The following FRAS1 variants were observed in gnomAD, a reference collection of about 807,000 sequenced individuals.
FRAS1 encodes extracellular matrix organizing protein FRAS1.
In FRAS1, 290 loss-of-function variants were observed where a neutral mutation model predicts 435.2. The observed-to-expected ratio is 0.67, with a 90% CI of 0.61 to 0.73. The LOEUF (loss-of-function observed/expected upper bound fraction) is 0.73. FRAS1 is among the 30% of genes least tolerant of loss of function. The pLI, the probability that FRAS1 is intolerant of heterozygous loss-of-function variation, is 0.00. For missense variants in FRAS1, 4,860 were observed against 5,001.5 expected (o/e 0.97, Z 0.85); for synonymous variants, 1,800 against 1,851.0 (o/e 0.97, Z 0.71).
chr4:78,441,602 T>G (rs563910846), intron 41 of FRAS1, among the ~76,000 whole-genome samples: 2 of 150,846 alleles, frequency 1.3e-5, no homozygotes, highest in African/African-American at 4.9e-5. Flanking sequence ...AATGAGAAGA[T>G]TGAGTACGAT....
intron 18 of FRAS1, among the ~76,000 whole-genome samples, chr4:78,325,750 A>G (rs1203822484): frequency 1.3e-5 from 2 of 152,248 alleles, no homozygotes; most frequent in African/African-American, 2.4e-5. Flanking sequence ...CCATAATAGC[A>G]GTAGTCACAA....
intron 18 of FRAS1, chr4:78,319,515 G>A (rs1578250115): frequency 2.3e-6 from 1 of 427,516 alleles, no homozygotes; most frequent in Non-Finnish European, 4.8e-6. Context: ...AAGTATTATA[G>A]TTTCCTTTCT....
intron 30 of FRAS1, among the ~76,000 whole-genome samples, chr4:78,404,419 AAAAG>A (rs1482115832): frequency 3.3e-5 from 5 of 152,094 alleles, no homozygotes; most frequent in East Asian, 1.9e-4. Context: ...AAAAAAAAAA[AAAAG>A]AAGAAGGTTA....
chr4:78,062,652 A>G (rs539616495), intron 1 of FRAS1, among the ~76,000 whole-genome samples: 3 of 152,344 alleles, frequency 2.0e-5, no homozygotes, highest in South Asian at 2.1e-4. Context: ...TAGATTTTAT[A>G]CAGTCATCTC....
At chr4:78,514,857 A>G (rs1721155090) in intron 65 of FRAS1, among the ~76,000 whole-genome samples, 2 of 152,054 alleles carry the variant, frequency 1.3e-5, no homozygotes, top group African/African-American at 2.4e-5. Context: ...GCCTGAGCTT[A>G]GGAGTTTGAG....
At chr4:78,267,892 A>G (rs879224851) in intron 9 of FRAS1, among the ~76,000 whole-genome samples, 1 of 152,206 alleles carries the variant, frequency 6.6e-6, no homozygotes, top group Non-Finnish European at 1.5e-5. Context: ...GATCAGGAAA[A>G]AACATAACAT....
chr4:78,450,561 G>T, intron 45 of FRAS1: 1 of 501,302 alleles, frequency 2.0e-6, no homozygotes, highest in South Asian at 2.6e-5. Flanking sequence ...ACTTAGCATT[G>T]GTGGCATTTG....
At chr4:78,291,951 T>C (rs1180874342) in intron 14 of FRAS1, among the ~76,000 whole-genome samples, 3 of 152,194 alleles carry the variant, frequency 2.0e-5, no homozygotes, top group Non-Finnish European at 2.9e-5. Flanking sequence ...GGCAAACCAT[T>C]TAACCTCTCT....
At chr4:78,258,758 A>T (rs1173042988) in intron 6 of FRAS1, among the ~76,000 whole-genome samples, 1 of 147,662 alleles carries the variant, frequency 6.8e-6, no homozygotes, top group Non-Finnish European at 1.5e-5. Flanking sequence ...CACAATGTGC[A>T]GGTTAGTTAC....
chr4:78,271,562 G>T (rs1726687540), intron 9 of FRAS1, among the ~76,000 whole-genome samples: 1 of 152,184 alleles, frequency 6.6e-6, no homozygotes, highest in Non-Finnish European at 1.5e-5. Context: ...AGAACATGCA[G>T]TGTTTATTTT....
chr4:78,118,525 C>A (rs1455901544), intron 2 of FRAS1, among the ~76,000 whole-genome samples: 1 of 152,276 alleles, frequency 6.6e-6, no homozygotes. Context: ...ATGGTGGGCA[C>A]CCCTCCCCCA....
intron 16 of FRAS1, 81 bp downstream of exon 16, chr4:78,315,815 T>A: frequency 6.7e-7 from 1 of 1,491,220 alleles, no homozygotes; most frequent in Non-Finnish European, 9.3e-7. Flanking sequence ...TGTTGCTAAT[T>A]TGGGAACTCG....
intron 26 of FRAS1, among the ~76,000 whole-genome samples, chr4:78,378,484 T>C (rs1341332976): frequency 3.9e-5 from 6 of 152,130 alleles, no homozygotes; most frequent in Admixed American, 3.9e-4. Context: ...TGTATTTAAT[T>C]GAGGAACTGT....
At chr4:78,072,752 A>T (rs1740420334) in intron 2 of FRAS1, among the ~76,000 whole-genome samples, 1 of 152,016 alleles carries the variant, frequency 6.6e-6, no homozygotes, top group South Asian at 2.1e-4. Context: ...TATGCTTTTA[A>T]ATGGGGGATG....
chr4:78,462,479 A>G (rs779911173), intron 47 of FRAS1, among the ~76,000 whole-genome samples: 1 of 152,220 alleles, frequency 6.6e-6, no homozygotes, highest in Non-Finnish European at 1.5e-5. Context: ...GTTTAAAAAA[A>G]TCAATCTCAA....
At chr4:78,102,950 A>C (rs1048596999) in intron 2 of FRAS1, among the ~76,000 whole-genome samples, 10 of 152,206 alleles carry the variant, frequency 6.6e-5, no homozygotes, top group African/African-American at 2.4e-4. Context: ...CCCCTTCCAC[A>C]TCTGGAGTAT....
intron 47 of FRAS1, among the ~76,000 whole-genome samples, chr4:78,459,001 T>C (rs150061419): frequency 6.6e-6 from 1 of 152,344 alleles, no homozygotes; most frequent in Non-Finnish European, 1.5e-5. Flanking sequence ...TCAAGGGTTC[T>C]CAGCTCTGTT....
At position 78,276,599 on chromosome 4, in the gene FRAS1, G is replaced by T. The variant is rs1018502494; in HGVS notation, c.982-2056G>T. On this transcript the variant is annotated intron_variant, in intron 9 of 73. Transcript: ENST00000512123. The stretch of plus-strand genomic sequence containing the variant: ...CATCCACTCTAGACCCTGTTTGCCT[G>T]GGTATCAGCAGCGGAGGCTGCAGAA... Among the ~76,000 whole-genome samples, 3 of 152,212 alleles carry T rather than the reference G, an allele frequency of 2.0e-5. No individual in the cohort carries two copies. The East Asian group carries it at 5.8e-4, about 29-fold the overall frequency.
rs201693179 is a variant in FRAS1, at chr4:78,413,024, C to T, written c.4364C>T (p.Ala1455Val). ...TRLESHMFNI[A>V]ILPQTPEAPK... Reference sequence around the variant, plus strand: ...CTGGAGAGCCACATGTTCAACATCGCGATCTTACCACAGACACCTGAAGCA... The same window carrying T: ...CTGGAGAGCCACATGTTCAACATCGTGATCTTACCACAGACACCTGAAGCA... The change falls in exon 32 of 74, where the codon GCG (alanine) becomes GTG (valine). Residue 1455 changes from alanine (A) to valine (V), a missense_variant. Physicochemically the swap from Ala to Val is moderately conservative, Grantham distance 64 (BLOSUM62 0). Transcript: ENST00000512123. 808 of 1,610,514 alleles carry T rather than the reference C, an allele frequency of 5.0e-4. 1 individual carries two copies. Among genetic ancestry groups the T allele is most frequent in the Non-Finnish European group, 6.6e-4 (775 of 1,178,564 alleles).
Sources: allele counts gnomAD v4.1 joint callset (sites outside exome capture counted in the v4.1 genomes callset), GRCh38; gene constraint gnomAD v4.1.1; transcripts MANE v1.5; gene names NCBI Gene and HGNC (gene_info 2026-07-23, HGNC 2026-07-21).